The following KLF3 variants were observed in gnomAD, a reference collection of about 807,000 sequenced individuals.
KLF3 encodes the protein Krueppel-like factor 3.
Under a neutral mutation model 32.7 loss-of-function variants are expected in KLF3, and 6 were observed. The observed-to-expected ratio is 0.18, with a 90% CI of 0.10 to 0.36. The LOEUF is 0.36. KLF3 is among the 10% of genes least tolerant of loss of function. KLF3 has a pLI of 1.00. For missense variants in KLF3, 338 were observed against 449.7 expected (o/e 0.75, Z 2.25); for synonymous variants, 145 against 172.8 (o/e 0.84, Z 1.26).
intron 1 of KLF3, among the ~76,000 whole-genome samples, chr4:38,667,406 C>T (rs1722077660): frequency 6.6e-6 from 1 of 152,168 alleles, no homozygotes; most frequent in South Asian, 2.1e-4. Flanking sequence ...TATCCCCACC[C>T]ATGGAGTTAT....
Position 38,697,511 on chromosome 4 carries a change from G to A in KLF3, c.*248G>A. On this transcript the variant is annotated 3_prime_UTR_variant, in exon 6 of 6. Transcript: ENST00000261438. ...TTTTTTTTTTTTCTGGGGATGCTAAGCAAACCCTTCTTACAGATACGTTTA... is the reference window on the plus strand; with the variant it reads ...TTTTTTTTTTTTCTGGGGATGCTAAACAAACCCTTCTTACAGATACGTTTA... 2.6e-6 allele frequency: 1 copy of A among 391,240 alleles called. No individual in the cohort carries two copies. Among genetic ancestry groups the A allele is most frequent in the Non-Finnish European group, 4.6e-6 (1 of 219,352 alleles). 24.2% of individuals were successfully genotyped at this position (391,240 alleles called of 1,614,324 possible). A position where few individuals can be genotyped will look rare whatever the true frequency, so the allele number is the denominator to read the frequency against.
At chr4:38,673,410 T>A (rs955226329) in intron 1 of KLF3, among the ~76,000 whole-genome samples, 1 of 152,216 alleles carries the variant, frequency 6.6e-6, no homozygotes, top group Non-Finnish European at 1.5e-5. Flanking sequence ...GATTTGATTA[T>A]ATAACACTTC....
intron 5 of KLF3, among the ~76,000 whole-genome samples, chr4:38,696,243 A>C (rs1723043359): frequency 6.6e-6 from 1 of 151,742 alleles, no homozygotes; most frequent in Non-Finnish European, 1.5e-5. Flanking sequence ...ACCAGGAAGC[A>C]GATAATAGAA....
At chr4:38,675,598 A>T (rs1019904921) in intron 1 of KLF3, among the ~76,000 whole-genome samples, 4 of 152,182 alleles carry the variant, frequency 2.6e-5, no homozygotes, top group African/African-American at 9.7e-5. Context: ...ACCCACATAA[A>T]ATGATTAATA....
At chr4:38,691,381 T>C (rs1722873983) in intron 4 of KLF3, among the ~76,000 whole-genome samples, 1 of 152,228 alleles carries the variant, frequency 6.6e-6, no homozygotes, top group African/African-American at 2.4e-5. Context: ...ACTCTTTTTT[T>C]ATGTTGAGGG....
rs773139461 is a variant in KLF3 at position 38,671,506 on chromosome 4, C to G, written c.-40+7045C>G. Among the ~76,000 whole-genome samples, 1 of 152,126 alleles carries G rather than the reference C, an allele frequency of 6.6e-6. No individual in the cohort carries two copies. The highest frequency in any genetic ancestry group is 2.4e-5 in the African/African-American group (1 of 41,412). On this transcript the variant is annotated intron_variant, in intron 1 of 5. Transcript: ENST00000261438. This position sits in a 1 kb window ranked among gnomAD's most constrained non-coding sequence, Gnocchi z 4.4. ...TGTCACTAATGTAAACAGACTGTCC[C>G]CACGTTCTGTCTTCTCCGGGGACCA...
intron 1 of KLF3, among the ~76,000 whole-genome samples, chr4:38,679,104 A>G (rs1722441443): frequency 6.6e-6 from 1 of 152,238 alleles, no homozygotes; most frequent in Admixed American, 6.5e-5. Flanking sequence ...GAAGAAAAAG[A>G]CAGGACAGGA....
Position 38,674,330 on chromosome 4 carries a change from C to T in KLF3, c.-39-6257C>T, listed in dbSNP as rs1323706585. ...ATTTTGAAGAATTTGGGTAAAGAAACGAAGAGAGAAAAGTTTCTCTGGAAA... is the reference window on the plus strand; with the variant it reads ...ATTTTGAAGAATTTGGGTAAAGAAATGAAGAGAGAAAAGTTTCTCTGGAAA... On this transcript the variant is annotated intron_variant, in intron 1 of 5. Transcript: ENST00000261438. This position sits in a 1 kb window ranked among gnomAD's most constrained non-coding sequence, Gnocchi z 4.1. Among the ~76,000 whole-genome samples, 2 of 151,922 alleles carry T rather than the reference C, an allele frequency of 1.3e-5. No homozygotes were observed. The highest frequency in any genetic ancestry group is 1.5e-5 in the Non-Finnish European group (1 of 68,004).
intron 4 of KLF3, among the ~76,000 whole-genome samples, chr4:38,693,868 C>G (rs749172378): frequency 7.9e-5 from 12 of 152,158 alleles, no homozygotes; most frequent in Non-Finnish European, 1.6e-4. Flanking sequence ...CCACCACCTT[C>G]TTGCTGAAAA....
intron 1 of KLF3, among the ~76,000 whole-genome samples, chr4:38,666,143 G>GT (rs1485356292): frequency 6.6e-6 from 1 of 152,194 alleles, no homozygotes; most frequent in Non-Finnish European, 1.5e-5. Context: ...TGTACTATCG[G>GT]TAAGTTCAAT....
At chr4:38,679,669 C>T (rs1722457148) in intron 1 of KLF3, among the ~76,000 whole-genome samples, 1 of 152,162 alleles carries the variant, frequency 6.6e-6, no homozygotes, top group African/African-American at 2.4e-5. Flanking sequence ...GATGTGTTCA[C>T]ACAGTGGCAC....
chr4:38,686,360 CAT>C (rs1722695874), intron 2 of KLF3, among the ~76,000 whole-genome samples: 1 of 144,948 alleles, frequency 6.9e-6, no homozygotes, highest in Non-Finnish European at 1.5e-5. Context: ...TTGGGAGAAT[CAT>C]ATGAGCCCAG....
chr4:38,687,334 A>T (rs968519119), intron 2 of KLF3, among the ~76,000 whole-genome samples: 7 of 152,230 alleles, frequency 4.6e-5, no homozygotes, highest in African/African-American at 1.7e-4. Flanking sequence ...TTAAATTAAA[A>T]ATTAGGTTGC....
intron 2 of KLF3, among the ~76,000 whole-genome samples, chr4:38,685,447 CATA>C (rs1722664096): frequency 6.6e-6 from 1 of 152,124 alleles, no homozygotes; most frequent in Admixed American, 6.5e-5. Flanking sequence ...CAGCAAACTG[CATA>C]ATGTTGATAA....
Position 38,698,506 on chromosome 4 carries a change from C to G in KLF3, c.*1243C>G, listed in dbSNP as rs1205405762. On this transcript the variant is annotated 3_prime_UTR_variant, in exon 6 of 6. Coordinates refer to ENST00000261438, the MANE Select transcript of KLF3 (RefSeq NM_016531.6). The stretch of plus-strand genomic sequence containing the variant: ...TGAGTGACACTATTTGTAAATATAA[C>G]TAGTTGTGAAGCACACATACCTTTA... 1 of 152,616 alleles carries G rather than the reference C, an allele frequency of 6.6e-6. No individual in the cohort carries two copies. The highest frequency in any genetic ancestry group is 1.5e-5 in the Non-Finnish European group (1 of 68,042). The allele number at this position is 152,616 out of a possible 1,614,324, so 9.5% of individuals were successfully genotyped here.
intron 1 of KLF3, among the ~76,000 whole-genome samples, chr4:38,665,924 T>C (rs910040116): frequency 4.6e-5 from 7 of 152,178 alleles, no homozygotes; most frequent in African/African-American, 1.7e-4. Context: ...ATCTACAAAT[T>C]TTTTGGAGTT....
chr4:38,680,907 G>A (rs1350360068), intron 2 of KLF3: 12 of 378,494 alleles, frequency 3.2e-5, no homozygotes, highest in South Asian at 2.0e-4. Flanking sequence ...CAAATTAGCC[G>A]GGCGTGGTGG....
chr4:38,681,200 G>A (rs893952115), intron 2 of KLF3, among the ~76,000 whole-genome samples: 1 of 152,178 alleles, frequency 6.6e-6, no homozygotes, highest in Non-Finnish European at 1.5e-5. Flanking sequence ...CTTAAGACCC[G>A]TGCCCGGTGT....
intron 3 of KLF3, 68 bp downstream of exon 3, chr4:38,689,139 GGT>G (rs1404943174): frequency 1.9e-6 from 3 of 1,577,138 alleles, no homozygotes; most frequent in Non-Finnish European, 2.6e-6. Flanking sequence ...AGATGGGGTG[GGT>G]GAGGAAGCAT....
Sources: allele counts gnomAD v4.1 joint callset (sites outside exome capture counted in the v4.1 genomes callset), GRCh38; gene constraint gnomAD v4.1.1; non-coding constraint Gnocchi (gnomAD v3.1); transcripts MANE v1.5; gene names NCBI Gene and HGNC (gene_info 2026-07-23, HGNC 2026-07-21).